RAP1GAP2: variants seen among roughly 807,000 people sequenced by gnomAD.
The protein encoded by RAP1GAP2 is rap1 GTPase-activating protein 2.
A neutral mutation model predicts 95.0 loss-of-function variants in RAP1GAP2; 27 were observed. That is an observed-to-expected ratio of 0.28 (90% CI 0.21 to 0.39). RAP1GAP2 has a LOEUF of 0.39. Ranked by LOEUF, RAP1GAP2 falls within the 10% of genes least tolerant of loss-of-function variation. The pLI is 1.00. For missense variants in RAP1GAP2, 771 were observed against 970.0 expected (o/e 0.79, Z 2.72); for synonymous variants, 373 against 380.9 (o/e 0.98, Z 0.24).
At chr17:2,880,831 C>T (rs1335601539) in intron 2 of RAP1GAP2, among the ~76,000 whole-genome samples, 1 of 152,122 alleles carries the variant, frequency 6.6e-6, no homozygotes, top group Non-Finnish European at 1.5e-5. Context: ...AATTCAAAAT[C>T]TGAAATGTGC....
At chr17:2,938,957 G>A (rs921426688) in intron 3 of RAP1GAP2, among the ~76,000 whole-genome samples, 1 of 152,110 alleles carries the variant, frequency 6.6e-6, no homozygotes, top group African/African-American at 2.4e-5. Flanking sequence ...TTGCATTCCA[G>A]CCTGGGCAAC....
At chr17:2,939,475 T>C (rs1484225084) in intron 3 of RAP1GAP2, among the ~76,000 whole-genome samples, 1 of 152,214 alleles carries the variant, frequency 6.6e-6, no homozygotes, top group Non-Finnish European at 1.5e-5. Flanking sequence ...CACCGGTCTC[T>C]CTTTTACTTG....
chr17:2,785,133 A>G (rs1376628101), intron 1 of RAP1GAP2, among the ~76,000 whole-genome samples: 1 of 152,184 alleles, frequency 6.6e-6, no homozygotes, highest in Non-Finnish European at 1.5e-5. Context: ...TCCTGAGCAG[A>G]GCGTTGGCAG....
chr17:2,949,342 T>G (rs1429700170), intron 3 of RAP1GAP2, among the ~76,000 whole-genome samples: 1 of 152,232 alleles, frequency 6.6e-6, no homozygotes, highest in East Asian at 1.9e-4. Flanking sequence ...TGGAGACCCC[T>G]TCCGGAGGCT....
chr17:2,969,907 C>T (rs1023371307), intron 8 of RAP1GAP2, among the ~76,000 whole-genome samples: 2 of 152,012 alleles, frequency 1.3e-5, no homozygotes, highest in Non-Finnish European at 2.9e-5. Flanking sequence ...TCCGTATTAG[C>T]ATATAGAGAA....
intron 3 of RAP1GAP2, among the ~76,000 whole-genome samples, chr17:2,925,275 A>G (rs2042914726): frequency 6.6e-6 from 1 of 152,248 alleles, no homozygotes; most frequent in Non-Finnish European, 1.5e-5. Context: ...CTGTAAAGAA[A>G]TACTTCATCG....
At chr17:2,993,120 G>A (rs928071279) in intron 12 of RAP1GAP2, among the ~76,000 whole-genome samples, 10 of 151,788 alleles carry the variant, frequency 6.6e-5, no homozygotes, top group Non-Finnish European at 1.5e-4. Flanking sequence ...TACTTGGGAG[G>A]CTGAGGCAGG....
At chr17:2,872,109 G>A (rs1254419413) in intron 2 of RAP1GAP2, among the ~76,000 whole-genome samples, 1 of 151,510 alleles carries the variant, frequency 6.6e-6, no homozygotes, top group Non-Finnish European at 1.5e-5. Context: ...AGCTACTCGG[G>A]AGGCTGAGGC....
intron 2 of RAP1GAP2, among the ~76,000 whole-genome samples, chr17:2,876,072 G>C (rs1185609131): frequency 2.0e-5 from 3 of 151,712 alleles, no homozygotes; most frequent in East Asian, 3.9e-4. Context: ...CGAGTGGCTG[G>C]GACTACAGGC....
At chr17:3,006,835 G>A (rs2046355912) in intron 16 of RAP1GAP2, among the ~76,000 whole-genome samples, 1 of 148,586 alleles carries the variant, frequency 6.7e-6, no homozygotes, top group Non-Finnish European at 1.5e-5. Context: ...AGTACACAGG[G>A]TAGTCGGGGG....
intron 2 of RAP1GAP2, among the ~76,000 whole-genome samples, chr17:2,873,161 A>G (rs1038036542): frequency 6.6e-6 from 1 of 150,812 alleles, no homozygotes; most frequent in Non-Finnish European, 1.5e-5. Context: ...TTGTATTTGC[A>G]TAAAGAAGCT....
At chr17:2,836,818 T>C (rs763936852) in intron 2 of RAP1GAP2, among the ~76,000 whole-genome samples, 22 of 152,300 alleles carry the variant, frequency 1.4e-4, no homozygotes, top group Non-Finnish European at 2.6e-4. Flanking sequence ...GCAGCTCTAG[T>C]GTGAGCTTTG....
At chr17:2,868,559 C>T (rs934097189) in intron 2 of RAP1GAP2, among the ~76,000 whole-genome samples, 3 of 149,212 alleles carry the variant, frequency 2.0e-5, no homozygotes, top group Non-Finnish European at 1.5e-5. Context: ...GCTCTGTCAC[C>T]CAGGCTGGAG....
At chr17:2,986,760 A>G (rs907571711) in intron 11 of RAP1GAP2, among the ~76,000 whole-genome samples, 1 of 152,148 alleles carries the variant, frequency 6.6e-6, no homozygotes, top group African/African-American at 2.4e-5. Context: ...GCTCAAGGCC[A>G]GGATCAAAAT....
At chr17:2,900,176 A>G (rs964090615) in intron 2 of RAP1GAP2, among the ~76,000 whole-genome samples, 1 of 152,176 alleles carries the variant, frequency 6.6e-6, no homozygotes, top group Non-Finnish European at 1.5e-5. Flanking sequence ...CCCCAGAGCC[A>G]CCTGCTGCTA....
intron 2 of RAP1GAP2, among the ~76,000 whole-genome samples, chr17:2,888,074 G>A (rs1042933782): frequency 2.0e-5 from 3 of 152,174 alleles, no homozygotes; most frequent in African/African-American, 7.2e-5. Context: ...GACCAAATAG[G>A]TGGGGAAGTG....
chr17:2,918,093 C>A (rs28729080), intron 3 of RAP1GAP2, among the ~76,000 whole-genome samples: 1 of 151,968 alleles, frequency 6.6e-6, no homozygotes, highest in African/African-American at 2.4e-5. Flanking sequence ...TGTATTAGCC[C>A]TGTCTCCCAT....
At chr17:3,026,813 G>A (rs890827564) in intron 21 of RAP1GAP2, 131 bp from the exon 22 acceptor site, 2 of 1,224,638 alleles carry the variant, frequency 1.6e-6, no homozygotes, top group African/African-American at 3.0e-5. Context: ...AAGTCAGCAG[G>A]AAAGAAAGAG....
chr17:3,024,194 G>C (rs1327456172), intron 19 of RAP1GAP2, among the ~76,000 whole-genome samples: 1 of 152,142 alleles, frequency 6.6e-6, no homozygotes, highest in Non-Finnish European at 1.5e-5. Flanking sequence ...GAGAGAAGAG[G>C]AGGAGGGGAT....
Sources: allele counts gnomAD v4.1 joint callset (sites outside exome capture counted in the v4.1 genomes callset), GRCh38; gene constraint gnomAD v4.1.1; transcripts MANE v1.5; gene names NCBI Gene and HGNC (gene_info 2026-07-23, HGNC 2026-07-21).